C3orf70: variants seen among roughly 807,000 people sequenced by gnomAD.
The protein encoded by C3orf70 is UPF0524 protein C3orf70.
Under a neutral mutation model 20.7 loss-of-function variants are expected in C3orf70, and 15 were observed. The ratio of observed to expected loss-of-function variants is 0.72; its 90% CI spans 0.48 to 1.11. The LOEUF is 1.11. Among genes scored for constraint, C3orf70 ranks in the 50% most tolerant of loss-of-function variants. The pLI is 0.00. For synonymous variants in C3orf70, 161 were observed against 125.7 expected, an observed-to-expected ratio of 1.28 and a Z score of -1.88; for missense variants, 332 against 317.6, an observed-to-expected ratio of 1.05 and a Z score of -0.34.
intron 1 of C3orf70, among the ~76,000 whole-genome samples, chr3:185,119,724 CTT>C (rs1716254218): frequency 6.7e-6 from 1 of 150,122 alleles, no homozygotes; most frequent in African/African-American, 2.4e-5. Flanking sequence ...ATTTGGGGTG[CTT>C]TTAAAAAAAT....
intron 1 of C3orf70, among the ~76,000 whole-genome samples, chr3:185,147,011 C>T (rs1444418899): frequency 1.3e-5 from 2 of 152,194 alleles, no homozygotes. Context: ...ATTAAACTCT[C>T]TAGACAGCAT....
intron 1 of C3orf70, among the ~76,000 whole-genome samples, chr3:185,084,586 G>A (rs1229334919): frequency 6.6e-6 from 1 of 151,854 alleles, no homozygotes; most frequent in Non-Finnish European, 1.5e-5. Context: ...ACACACAGAG[G>A]GATGCAGAGG....
At chr3:185,109,944 T>C (rs1238645455) in intron 1 of C3orf70, among the ~76,000 whole-genome samples, 1 of 152,216 alleles carries the variant, frequency 6.6e-6, no homozygotes, top group African/African-American at 2.4e-5. Context: ...GGAATCATTA[T>C]TAATTGGTCC....
At chr3:185,095,241 A>G (rs962963739) in intron 1 of C3orf70, among the ~76,000 whole-genome samples, 2 of 152,180 alleles carry the variant, frequency 1.3e-5, no homozygotes, top group African/African-American at 4.8e-5. Flanking sequence ...GAGTTACTAG[A>G]CTGACCAACA....
chr3:185,096,932 T>C, intron 1 of C3orf70, among the ~76,000 whole-genome samples: 1 of 152,184 alleles, frequency 6.6e-6, no homozygotes, highest in East Asian at 1.9e-4. Flanking sequence ...TGCGTTTCTC[T>C]GCTGTCCTTT....
At chr3:185,111,963 G>C (rs370869507) in intron 1 of C3orf70, among the ~76,000 whole-genome samples, 2 of 152,272 alleles carry the variant, frequency 1.3e-5, no homozygotes, top group East Asian at 3.9e-4. Flanking sequence ...TTTAAACAAA[G>C]AGATAGAAAA....
intron 1 of C3orf70, among the ~76,000 whole-genome samples, chr3:185,102,667 G>T (rs1033217740): frequency 1.3e-5 from 2 of 152,072 alleles, no homozygotes; most frequent in Non-Finnish European, 2.9e-5. Context: ...CTACTACAGG[G>T]TTATAGTAAC....
chr3:185,127,407 G>A (rs1716433233), intron 1 of C3orf70, among the ~76,000 whole-genome samples: 1 of 151,996 alleles, frequency 6.6e-6, no homozygotes, highest in South Asian at 2.1e-4. Context: ...CTTGAAGAAA[G>A]GAACTAAGAC....
At position 185,081,616 on chromosome 3, in the gene C3orf70, G is replaced by C. The variant is rs1290575270; in HGVS notation, c.*1391C>G. ...CTATGCCTCATGGATAGAAGGTTTG[G>C]AGAAATAGCAGTTAACTGACTCACA... On this transcript the variant is annotated 3_prime_UTR_variant, in exon 2 of 2. Coordinates refer to ENST00000335012, the MANE Select transcript of C3orf70 (RefSeq NM_001025266.3). The C allele has an allele frequency of 6.6e-6, 1 of 152,330 alleles. No individual in the cohort carries two copies. The highest frequency in any genetic ancestry group is 1.5e-5 in the Non-Finnish European group (1 of 68,030). The allele number at this position is 152,330 out of a possible 1,614,324, so 9.4% of individuals were successfully genotyped here. A position where few individuals can be genotyped will look rare whatever the true frequency, so the allele number is the denominator to read the frequency against.
intron 1 of C3orf70, among the ~76,000 whole-genome samples, chr3:185,131,452 C>T (rs1457748318): frequency 1.3e-5 from 2 of 152,110 alleles, no homozygotes; most frequent in Non-Finnish European, 2.9e-5. Flanking sequence ...TATTTATTGT[C>T]TCTTATTTTA....
At chr3:185,113,768 T>C (rs1716123628) in intron 1 of C3orf70, among the ~76,000 whole-genome samples, 1 of 152,178 alleles carries the variant, frequency 6.6e-6, no homozygotes, top group African/African-American at 2.4e-5. Context: ...GACAGAGCTA[T>C]GTGGAACAGG....
At chr3:185,083,624 T>G in intron 1 of C3orf70, 61 bp from the exon 2 acceptor site, 2,542 of 1,175,218 alleles carry the variant, frequency 2.2e-3, no homozygotes, top group Non-Finnish European at 2.8e-3. Flanking sequence ...AACATGGCCA[T>G]AATGGTTTCT....
chr3:185,128,394 G>A (rs966871539), intron 1 of C3orf70, among the ~76,000 whole-genome samples: 1 of 152,094 alleles, frequency 6.6e-6, no homozygotes, highest in East Asian at 1.9e-4. Flanking sequence ...CGGGCATGGT[G>A]GCACACGCCT....
intron 1 of C3orf70, among the ~76,000 whole-genome samples, chr3:185,137,047 A>G (rs933346721): frequency 2.6e-5 from 4 of 152,154 alleles, no homozygotes; most frequent in African/African-American, 9.7e-5. Context: ...CCCCACCTAA[A>G]TCTCATCTTG....
At chr3:185,131,817 T>C (rs533241882) in intron 1 of C3orf70, among the ~76,000 whole-genome samples, 1 of 152,304 alleles carries the variant, frequency 6.6e-6, no homozygotes, top group East Asian at 1.9e-4. Context: ...TTTTAGAAGG[T>C]CAAGGTTCAT....
intron 1 of C3orf70, among the ~76,000 whole-genome samples, chr3:185,148,805 C>A (rs554799199): frequency 5.3e-5 from 8 of 152,284 alleles, no homozygotes; most frequent in African/African-American, 1.7e-4. Context: ...CTCAAAAATG[C>A]GCCATTACCC....
At chr3:185,092,560 C>G (rs951781213) in intron 1 of C3orf70, among the ~76,000 whole-genome samples, 1 of 152,176 alleles carries the variant, frequency 6.6e-6, no homozygotes, top group African/African-American at 2.4e-5. Flanking sequence ...GCAGGCAAAA[C>G]AGACAACCCT....
intron 1 of C3orf70, among the ~76,000 whole-genome samples, chr3:185,144,273 G>C (rs1032850961): frequency 8.6e-5 from 13 of 151,964 alleles, no homozygotes; most frequent in Non-Finnish European, 1.3e-4. Context: ...ACTGAAAGAC[G>C]GGTTAAGTAA....
chr3:185,113,285 C>CAAAAAAAG (rs55966497), intron 1 of C3orf70, among the ~76,000 whole-genome samples: 7 of 138,524 alleles, frequency 5.1e-5, no homozygotes, highest in Non-Finnish European at 9.2e-5. Flanking sequence ...CTAAAAAATA[C>CAAAAAAAG]AAAAAAGAAA....
Sources: allele counts gnomAD v4.1 joint callset (sites outside exome capture counted in the v4.1 genomes callset), GRCh38; gene constraint gnomAD v4.1.1; transcripts MANE v1.5; gene names NCBI Gene and HGNC (gene_info 2026-07-23, HGNC 2026-07-21).